Variants in ADAM8 observed in about 807,000 individuals in gnomAD.
ADAM8 encodes the protein ADAM metallopeptidase domain 8.
ADAM8 carries 104 observed loss-of-function variants against 102.4 expected under a neutral mutation model. That is an observed-to-expected ratio of 1.02 (90% CI 0.87 to 1.20). The LOEUF (loss-of-function observed/expected upper bound fraction) is 1.20, where lower values mean the gene tolerates loss of function less well. Among genes scored for constraint, ADAM8 ranks in the 50% most tolerant of loss-of-function variants. ADAM8 has a pLI of 0.00. For missense variants in ADAM8, 1,132 were observed against 1,159.0 expected (o/e 0.98, Z 0.34); for synonymous variants, 517 against 485.2 (o/e 1.07, Z -0.86).
intron 20 of ADAM8, among the ~76,000 whole-genome samples, 171 bp from the exon 21 acceptor site, chr10:133,267,588 C>T (rs1846364952): frequency 1.3e-5 from 2 of 152,260 alleles, no homozygotes; most frequent in South Asian, 2.1e-4. Context: ...TCCCCTCAGC[C>T]GTGTGATCCC....
intron 21 of ADAM8, among the ~76,000 whole-genome samples, chr10:133,266,895 G>C (rs1846338403): frequency 6.6e-6 from 1 of 152,196 alleles, no homozygotes; most frequent in African/African-American, 2.4e-5. Flanking sequence ...GGAGGCCTGG[G>C]AGTTAACCCT....
rs991053424 is a variant in ADAM8 at position 133,275,780 on chromosome 10, C to T, written c.47-193G>A. 1.4e-5 allele frequency: 7 copies of T among 517,906 alleles called. No individual in the cohort carries two copies. In the Admixed American group the frequency reaches 3.0e-4, roughly 22 times the overall value. The allele number at this position is 517,906 out of a possible 1,614,324, so 32.1% of individuals were successfully genotyped here. The stretch of plus-strand genomic sequence containing the variant: ...CCCCAGGAGCGCCCCCAGGCATGGC[C>T]GGTGGGCCTGTGTCCTGCAGCACCC... On this transcript the variant is annotated intron_variant, in intron 1 of 22. Coordinates refer to ENST00000445355, the MANE Select transcript of ADAM8 (RefSeq NM_001109.5).
intron 12 of ADAM8, 32 bp downstream of exon 12, chr10:133,271,496 C>G (rs1384425969): frequency 6.5e-7 from 1 of 1,527,786 alleles, no homozygotes; most frequent in South Asian, 1.2e-5. Flanking sequence ...GCACCCAGTG[C>G]TGACGGGAGC....
chr10:133,270,640 C>A (rs1846489320), intron 15 of ADAM8, 96 bp downstream of exon 15: 3 of 1,539,040 alleles, frequency 1.9e-6, no homozygotes, highest in Non-Finnish European at 2.6e-6. Flanking sequence ...CCAGAGCAGA[C>A]CCTCATGGGA....
chr10:133,267,319 A>G, intron 21 of ADAM8, 33 bp downstream of exon 21: 1 of 1,589,582 alleles, frequency 6.3e-7, no homozygotes, highest in Non-Finnish European at 8.6e-7. Flanking sequence ...GGACACCCTC[A>G]GAAGGCTTGG....
rs772361995 is a variant in ADAM8, at chr10:133,269,873, C to T, written c.1863+24G>A. On this transcript the variant is annotated intron_variant, in intron 17 of 22. Coordinates refer to ENST00000445355, the MANE Select transcript of ADAM8 (RefSeq NM_001109.5). ...AGAGCGGCAGCCTCTGTGCAGGGGC[C>T]CTGTCCCGAGAGGCCACACATACCC... The T allele has an allele frequency of 2.7e-5, 44 of 1,611,738 alleles. 1 individual carries two copies. The East Asian group carries it at 6.0e-4, about 22-fold the overall frequency.
chr10:133,267,934 G>C lies in ADAM8; in HGVS notation c.2248C>G (p.Pro750Ala). The C allele has an allele frequency of 7.9e-7, 1 of 1,260,338 alleles. No homozygotes were observed. Among genetic ancestry groups the C allele is most frequent in the South Asian group, 3.8e-5 (1 of 26,184 alleles). 78.1% of individuals were successfully genotyped at this position (1,260,338 alleles called of 1,614,324 possible). A position where few individuals can be genotyped will look rare whatever the true frequency, so the allele number is the denominator to read the frequency against. ...ASSVALKRPP[P>A]APPVTVSSPP... The stretch of plus-strand genomic sequence containing the variant: ...CCGCCAGGGGTGGTGCTTACAGCAG[G>C]GGGCGGCCTCTTCAGAGCCACCGAG... The change falls in exon 20 of 23, where the codon CCT becomes GCT. Residue 750 changes from proline to alanine, a missense_variant. Transcript: ENST00000445355.
At chr10:133,270,072 C>T in intron 16 of ADAM8, 98 bp from the exon 17 acceptor site, 1 of 1,392,290 alleles carries the variant, frequency 7.2e-7, no homozygotes, top group Non-Finnish European at 1.0e-6. Context: ...GCTGTGGTCA[C>T]CACGTCCAAG....
intron 1 of ADAM8, among the ~76,000 whole-genome samples, chr10:133,276,502 G>A (rs1239962655): frequency 6.6e-6 from 1 of 152,200 alleles, no homozygotes; most frequent in East Asian, 1.9e-4. Context: ...TGCTTGGCCC[G>A]GCCCCGACCC....
Position 133,272,417 on chromosome 10 carries a change from T to C in ADAM8, c.874A>G (p.Thr292Ala). The C allele has an allele frequency of 2.0e-6, 3 of 1,525,032 alleles. No individual in the cohort carries two copies. The highest frequency in any genetic ancestry group is 2.7e-6 in the Non-Finnish European group (3 of 1,127,122). The allele number at this position is 1,525,032 out of a possible 1,614,324, so 94.5% of individuals were successfully genotyped here. The change falls in exon 9 of 23, where the codon ACG (threonine) becomes GCG (alanine). Residue 292 changes from threonine (T) to alanine (A), a missense_variant and splice_region_variant. Physicochemically the swap from Thr to Ala is moderately conservative, Grantham distance 58. Transcript: ENST00000445355. ...RHLHDNVQLI[T>A]GVDFTGTTVG... ...ACCCTGCCCGCTCCGCCAGCTCACG[T>C]GATGAGCTGTACGTTGTCATGCAGG...
intron 21 of ADAM8, among the ~76,000 whole-genome samples, chr10:133,264,622 C>T (rs1182593614): frequency 1.3e-5 from 2 of 152,198 alleles, no homozygotes; most frequent in Admixed American, 6.5e-5. Context: ...GAGTGACTTC[C>T]CTCCTGCACA....
At chr10:133,274,400 G>A (rs537746587) in intron 2 of ADAM8, among the ~76,000 whole-genome samples, 165 bp from the exon 3 acceptor site, 1 of 142,372 alleles carries the variant, frequency 7.0e-6, no homozygotes, top group African/African-American at 2.6e-5. Context: ...GGTAGAGGGT[G>A]GAGGGTGGAG....
At chr10:133,269,772 C>A in intron 17 of ADAM8, 125 bp downstream of exon 17, 1 of 1,188,734 alleles carries the variant, frequency 8.4e-7, no homozygotes, top group South Asian at 1.3e-5. Flanking sequence ...CACAGAGACC[C>A]CCATGGACAG....
Position 133,272,812 on chromosome 10 carries a change from T to G in ADAM8, c.691A>C (p.Asn231His). The stretch of plus-strand genomic sequence containing the variant: ...CCGCTGCCCACCTTGTCCACGTGAT[T>G]CACCACCTCCAGCACCCGATGACGC... Reference protein sequence around the residue: ...AVRHRVLEVVNHVDKLYQKLN... With the variant: ...AVRHRVLEVVHHVDKLYQKLN... Residue 231 changes from asparagine (N) to histidine (H), a missense_variant, in exon 8 of 23, where the codon AAT becomes CAT. Coordinates refer to ENST00000445355, the MANE Select transcript of ADAM8 (RefSeq NM_001109.5). 1 of 1,610,450 alleles carries G rather than the reference T, an allele frequency of 6.2e-7. No individual in the cohort carries two copies. The highest frequency in any genetic ancestry group is 8.5e-7 in the Non-Finnish European group (1 of 1,178,534).
At chr10:133,267,502 C>T (rs1846362231) in intron 20 of ADAM8, 85 bp from the exon 21 acceptor site, 1 of 1,377,844 alleles carries the variant, frequency 7.3e-7, no homozygotes, top group African/African-American at 1.4e-5. Flanking sequence ...TCCGAGGTTC[C>T]TGCCTCTTGT....
chr10:133,265,985 A>C lies in ADAM8; in HGVS notation c.2319+1367T>G, dbSNP rs112788819. Among the ~76,000 whole-genome samples the C allele has an allele frequency of 5.5e-3, 840 of 152,256 alleles. 7 individuals carry two copies. The highest frequency in any genetic ancestry group is 0.019 in the African/African-American group (784 of 41,532). ...GAGCTTTCTAAGGAAAAATCTGTGG[A>C]CGCTGCTCCAACTAGGCGCTGTGTC... On this transcript the variant is annotated intron_variant, in intron 21 of 22. Transcript: ENST00000445355.
chr10:133,274,246 A>G lies in ADAM8; in HGVS notation c.151-11T>C, dbSNP rs771508192. 6.5e-7 allele frequency: 1 copy of G among 1,539,156 alleles called. No individual in the cohort carries two copies. The highest frequency in any genetic ancestry group is 2.3e-5 in the East Asian group (1 of 44,056). On this transcript the variant is annotated splice_polypyrimidine_tract_variant and intron_variant, in intron 2 of 22. Coordinates refer to ENST00000445355, the MANE Select transcript of ADAM8 (RefSeq NM_001109.5). ...CTCTGGGTGCAGGCCCTGAGCGAGG[A>G]GGGAAGGGTCCCAGGTGAGCAGCCT...
intron 2 of ADAM8, chr10:133,274,846 A>G: frequency 2.3e-6 from 1 of 434,568 alleles, no homozygotes; most frequent in Non-Finnish European, 4.6e-6. Context: ...TCCAGCCCCC[A>G]TGTGCAGGCT....
At chr10:133,275,378 C>T in intron 2 of ADAM8, 106 bp downstream of exon 2, 2 of 837,466 alleles carry the variant, frequency 2.4e-6, no homozygotes, top group Middle Eastern at 2.5e-4. Flanking sequence ...CAGGGCAGCC[C>T]CAGACACCCA....
Sources: allele counts gnomAD v4.1 joint callset (sites outside exome capture counted in the v4.1 genomes callset), GRCh38; gene constraint gnomAD v4.1.1; transcripts MANE v1.5; gene names NCBI Gene and HGNC (gene_info 2026-07-23, HGNC 2026-07-21).